EVL: variants seen among roughly 807,000 people sequenced by gnomAD.
EVL encodes ena/VASP-like protein.
A neutral mutation model predicts 59.6 loss-of-function variants in EVL; 21 were observed. That is an observed-to-expected ratio of 0.35 (90% CI 0.25 to 0.51). The LOEUF is 0.51. Ranked by LOEUF, EVL falls within the 20% of genes least tolerant of loss-of-function variation. The pLI, the probability that EVL is intolerant of heterozygous loss-of-function variation, is 0.97. For synonymous variants in EVL, 198 were observed against 203.5 expected, an observed-to-expected ratio of 0.97 and a Z score of 0.23; for missense variants, 462 against 546.6, an observed-to-expected ratio of 0.85 and a Z score of 1.54.
chr14:100,046,027 C>T (rs993970379), intron 1 of EVL, among the ~76,000 whole-genome samples: 1 of 152,110 alleles, frequency 6.6e-6, no homozygotes, highest in East Asian at 1.9e-4. Flanking sequence ...ATTTGATTTT[C>T]CCCCATTTTG....
intron 1 of EVL, among the ~76,000 whole-genome samples, chr14:100,075,877 A>G (rs1378005003): frequency 2.6e-5 from 4 of 152,184 alleles, no homozygotes; most frequent in African/African-American, 9.7e-5. Context: ...TTTACAGACA[A>G]TAACTCCTCC....
chr14:100,078,540 C>T (rs1175182507), intron 1 of EVL, among the ~76,000 whole-genome samples: 1 of 122,774 alleles, frequency 8.1e-6, no homozygotes, highest in Non-Finnish European at 1.6e-5. Flanking sequence ...GGCCAGGGGC[C>T]AGGTTCCAAT....
At chr14:100,113,319 C>T (rs1012190649) in intron 3 of EVL, among the ~76,000 whole-genome samples, 5 of 152,072 alleles carry the variant, frequency 3.3e-5, no homozygotes, top group Non-Finnish European at 7.3e-5. Flanking sequence ...CCTGGAGCTG[C>T]GAGGAAGGTC....
rs533011570 is a variant in EVL at position 100,101,986 on chromosome 14, C to T, written c.358+4328C>T. Among the ~76,000 whole-genome samples, 6 of 152,178 alleles carry T rather than the reference C, an allele frequency of 3.9e-5. No homozygotes were observed. In the South Asian group the frequency reaches 1.2e-3, roughly 32 times the overall value. ...ATGAGAAGCTGTGATTACAGGCGCCCACCACTATGCCTGGCTAATTTTTGT... is the reference window on the plus strand; with the variant it reads ...ATGAGAAGCTGTGATTACAGGCGCCTACCACTATGCCTGGCTAATTTTTGT... On this transcript the variant is annotated intron_variant, in intron 3 of 13. Coordinates refer to ENST00000392920, the MANE Select transcript of EVL (RefSeq NM_016337.3).
At chr14:100,061,460 CA>C (rs869039779), upstream of EVL, among the ~76,000 whole-genome samples, 3,615 of 64,500 alleles carry the variant, frequency 0.056, 100 homozygotes, top group African/African-American at 0.13. Flanking sequence ...CCTCAGGCTG[CA>C]AAAAAAAAAA....
chr14:100,059,103 A>G lies in EVL; in HGVS notation c.6-25584A>G, dbSNP rs1445711307. ...GACTTCTGCCTCTGGCCATGGCAGA[A>G]TAATGGTAATGACTTGCTCTCTTGA... is the stretch of plus-strand genomic sequence containing the variant. On this transcript the variant is annotated intron_variant, in intron 1 of 13. Coordinates refer to the EVL transcript ENST00000402714. Among the ~76,000 whole-genome samples the G allele has an allele frequency of 6.6e-5, 10 of 152,176 alleles. 1 individual carries two copies. The South Asian group carries it at 1.7e-3, about 25-fold the overall frequency.
chr14:100,085,220 A>G (rs1259325076), intron 2 of EVL: 1 of 166,878 alleles, frequency 6.0e-6, no homozygotes, highest in African/African-American at 2.4e-5. Context: ...TTTGGGGTTC[A>G]TCAACCTTCT....
At chr14:100,023,254 G>A (rs1184668550) in intron 1 of EVL, among the ~76,000 whole-genome samples, 2 of 150,200 alleles carry the variant, frequency 1.3e-5, no homozygotes, top group Admixed American at 6.6e-5. Context: ...ACCTGGGTTG[G>A]CGTGCAGCGG....
chr14:99,998,955 A>G (rs1009453883), intron 1 of EVL, among the ~76,000 whole-genome samples: 1 of 152,152 alleles, frequency 6.6e-6, no homozygotes, highest in African/African-American at 2.4e-5. Context: ...ATGATGGTGC[A>G]TAAGTGAGAA....
rs938902732 is a variant in EVL at position 100,114,441 on chromosome 14, G to A, written c.359-9098G>A. On this transcript the variant is annotated intron_variant, in intron 3 of 13. Coordinates refer to ENST00000392920, the MANE Select transcript of EVL (RefSeq NM_016337.3). The surrounding 1 kb of genome is among the most constrained non-coding windows in gnomAD (Gnocchi z 5.0). ...GGTCTGGACAGTCCTCCAGGGCCAG[G>A]GCCCTGGGAGCTTGCTGGAGTCAGG... is the stretch of plus-strand genomic sequence containing the variant. 2 of 152,406 alleles carry A rather than the reference G, an allele frequency of 1.3e-5. No individual in the cohort carries two copies. The highest frequency in any genetic ancestry group is 4.8e-5 in the African/African-American group (2 of 41,442). 9.4% of individuals were successfully genotyped at this position (152,406 alleles called of 1,614,324 possible).
chr14:99,980,064 A>G (rs1347135996), intron 1 of EVL, among the ~76,000 whole-genome samples: 1 of 152,182 alleles, frequency 6.6e-6, no homozygotes, highest in South Asian at 2.1e-4. Context: ...TACCTGGGCT[A>G]TATGCAAATA....
intron 1 of EVL, among the ~76,000 whole-genome samples, chr14:100,010,388 A>G (rs116608862): frequency 1.6e-3 from 237 of 152,166 alleles, no homozygotes; most frequent in African/African-American, 5.6e-3. Flanking sequence ...TTATTGTGCT[A>G]GTTAGTGTGG....
intron 1 of EVL, among the ~76,000 whole-genome samples, chr14:100,028,750 G>T (rs1278132658): frequency 6.6e-6 from 1 of 152,190 alleles, no homozygotes; most frequent in Non-Finnish European, 1.5e-5. Context: ...GGCGCAGGTT[G>T]CAGTGAGCCA....
intron 3 of EVL, among the ~76,000 whole-genome samples, chr14:100,117,968 T>C (rs1411974985): frequency 1.3e-5 from 2 of 152,222 alleles, no homozygotes; most frequent in Admixed American, 1.3e-4. Flanking sequence ...TTAACAAATA[T>C]GTATTGCATT....
Position 100,128,682 on chromosome 14 carries a change from C to G in EVL, c.651C>G (p.His217Gln). The G allele has an allele frequency of 6.2e-7, 1 of 1,606,320 alleles. No individual in the cohort carries two copies. The highest frequency in any genetic ancestry group is 1.1e-5 in the South Asian group (1 of 90,244). ...CCGGAGGAGCCCAGGGGTCCAGCCA[C>G]GACGAGAGCTCCATGTCAGGACTGG... ...LPAGGAQGSS[H>Q]DESSMSGLAA... Residue 217 changes from histidine (H) to glutamine (Q), a missense_variant, in exon 6 of 14, where the codon CAC (histidine) becomes CAG (glutamine). Transcript: ENST00000392920.
At chr14:100,015,062 G>GCTC (rs1294162655) in intron 1 of EVL, among the ~76,000 whole-genome samples, 1 of 152,146 alleles carries the variant, frequency 6.6e-6, no homozygotes, top group African/African-American at 2.4e-5. Context: ...CTGTTCAGAT[G>GCTC]CTCAGTCCTT....
At position 100,086,681 on chromosome 14, in the gene EVL, G is replaced by A. The variant is rs55995525; in HGVS notation, c.180+1826G>A. Among the ~76,000 whole-genome samples the A allele has an allele frequency of 2.8e-3, 421 of 152,332 alleles. 4 individuals carry two copies. The highest frequency in any genetic ancestry group is 9.6e-3 in the African/African-American group (398 of 41,572). On this transcript the variant is annotated intron_variant, in intron 2 of 13. Transcript: ENST00000392920. ...GAGAAAGAGACCTTTTCCCCACTCC[G>A]GGAGGGACTGACGGCAGTCTTCAGT...
At chr14:100,061,403 CAAAAAAAAAAA>C (rs56656380), upstream of EVL, among the ~76,000 whole-genome samples, 230 of 19,120 alleles carry the variant, frequency 0.012, no homozygotes, top group Middle Eastern at 0.045. Flanking sequence ...GACCCTGTCT[CAAAAAAAAAAA>C]AAAAAAAAAA....
chr14:99,972,559 C>T lies in EVL; in HGVS notation c.5+502C>T, dbSNP rs2060741582. Among the ~76,000 whole-genome samples the T allele has an allele frequency of 6.6e-6, 1 of 152,214 alleles. No homozygotes were observed. The highest frequency in any genetic ancestry group is 1.5e-5 in the Non-Finnish European group (1 of 68,034). On this transcript the variant is annotated intron_variant, in intron 1 of 13. Coordinates refer to the EVL transcript ENST00000402714. The surrounding 1 kb of genome is among the most constrained non-coding windows in gnomAD (Gnocchi z 4.4). ...TTTTACAGGTGTAGTTTCCCCTCGA[C>T]TTGGAGCCCGTCAACCCCTTCGTCT... is the stretch of plus-strand genomic sequence containing the variant.
Sources: allele counts gnomAD v4.1 joint callset (sites outside exome capture counted in the v4.1 genomes callset), GRCh38; gene constraint gnomAD v4.1.1; non-coding constraint Gnocchi (gnomAD v3.1); transcripts MANE v1.5; gene names NCBI Gene and HGNC (gene_info 2026-07-23, HGNC 2026-07-21).